Variants in CDH23 observed in about 807,000 individuals in gnomAD.
The protein encoded by CDH23 is cadherin-23.
In CDH23, 189 loss-of-function variants were observed where a neutral mutation model predicts 317.1. The ratio of observed to expected loss-of-function variants is 0.60; its 90% CI spans 0.53 to 0.67. CDH23 has a LOEUF of 0.67. Among genes scored for constraint, CDH23 ranks in the 30% least tolerant of loss-of-function variants. The probability of loss-of-function intolerance (pLI) is 0.00; values close to 1 mark genes in which losing one functional copy is unlikely to be tolerated. For synonymous variants in CDH23, 1,839 were observed against 1,876.8 expected, an observed-to-expected ratio of 0.98 and a Z score of 0.52; for missense variants, 4,401 against 4,592.4, an observed-to-expected ratio of 0.96 and a Z score of 1.20.
At chr10:71,609,167 G>A (rs1860707921) in intron 9 of CDH23, among the ~76,000 whole-genome samples, 1 of 151,960 alleles carries the variant, frequency 6.6e-6, no homozygotes, top group African/African-American at 2.4e-5. Context: ...CAGCCTGGAG[G>A]AAGAAAGAGG....
At chr10:71,672,281 C>T (rs866321578) in intron 14 of CDH23, among the ~76,000 whole-genome samples, 1 of 152,010 alleles carries the variant, frequency 6.6e-6, no homozygotes, top group South Asian at 2.1e-4. Context: ...CATTCAGGGC[C>T]GACAATGTGT....
At chr10:71,712,528 C>T in intron 27 of CDH23, 137 bp from the exon 28 acceptor site, 4 of 838,782 alleles carry the variant, frequency 4.8e-6, no homozygotes, top group Non-Finnish European at 7.5e-6. Context: ...AAAAGGAAGT[C>T]ACCCCTTGCA....
chr10:71,631,448 A>G (rs1862011109), intron 11 of CDH23, among the ~76,000 whole-genome samples: 1 of 152,172 alleles, frequency 6.6e-6, no homozygotes, highest in Non-Finnish European at 1.5e-5. Flanking sequence ...CAGGAGGAAG[A>G]TTGAGGCGAA....
chr10:71,708,911 C>G (rs563074718), intron 26 of CDH23, among the ~76,000 whole-genome samples, 187 bp from the exon 27 acceptor site: 45 of 152,362 alleles, frequency 3.0e-4, no homozygotes, highest in African/African-American at 1.0e-3. Flanking sequence ...TTCCAGGCAT[C>G]TGGCACCCCC....
chr10:71,707,363 G>A lies in CDH23; in HGVS notation c.3106+314G>A, dbSNP rs1317562034. On this transcript the variant is annotated intron_variant, in intron 26 of 69. Coordinates refer to ENST00000224721, the MANE Select transcript of CDH23 (RefSeq NM_022124.6). ...CATGATTCCTAGGGAGGAGCCCTGA[G>A]CCCCACTCCCCGCCCCAAGTCTGGG... The A allele has an allele frequency of 2.9e-6, 4 of 1,381,118 alleles. No homozygotes were observed. The African/African-American group carries it at 4.4e-5, about 15-fold the overall frequency. The allele number at this position is 1,381,118 out of a possible 1,614,324, so 85.6% of individuals were successfully genotyped here. A position where few individuals can be genotyped will look rare whatever the true frequency, so the allele number is the denominator to read the frequency against.
chr10:71,515,394 T>TCTCTCTCTCTCTCACA (rs1491490493), intron 6 of CDH23, among the ~76,000 whole-genome samples: 33 of 26,694 alleles, frequency 1.2e-3, no homozygotes, highest in African/African-American at 2.6e-3. Context: ...TCTCTCTCTC[T>TCTCTCTCTCTCTCACA]CACACACACA....
At chr10:71,496,335 ATTT>A (rs59975648) in intron 3 of CDH23, among the ~76,000 whole-genome samples, 14,610 of 149,086 alleles carry the variant, frequency 0.098, 811 homozygotes, top group East Asian at 0.14. Flanking sequence ...AAAGCAAAAC[ATTT>A]TTTTTTTTTT....
At chr10:71,499,868 C>G (rs556372257) in intron 3 of CDH23, among the ~76,000 whole-genome samples, 1 of 150,670 alleles carries the variant, frequency 6.6e-6, no homozygotes, top group African/African-American at 2.4e-5. Flanking sequence ...TAAACAAAAA[C>G]TAGCCAGGTG....
At chr10:71,537,798 A>G (rs924235832) in intron 6 of CDH23, among the ~76,000 whole-genome samples, 4 of 152,218 alleles carry the variant, frequency 2.6e-5, no homozygotes, top group African/African-American at 9.7e-5. Context: ...TGAGTCAAAC[A>G]TCACTTCGTT....
chr10:71,479,106 A>T (rs1377376071), intron 3 of CDH23, among the ~76,000 whole-genome samples: 1 of 152,202 alleles, frequency 6.6e-6, no homozygotes, highest in African/African-American at 2.4e-5. Context: ...TGTCCCCATT[A>T]TGTAAGATGA....
At chr10:71,774,476 A>G (rs1427082700) in intron 38 of CDH23, among the ~76,000 whole-genome samples, 1 of 152,168 alleles carries the variant, frequency 6.6e-6, no homozygotes, top group Non-Finnish European at 1.5e-5. Context: ...TACCACCTCC[A>G]GCCTGAGATA....
At chr10:71,533,551 A>ACG (rs1200981120) in intron 6 of CDH23, among the ~76,000 whole-genome samples, 1 of 151,176 alleles carries the variant, frequency 6.6e-6, no homozygotes, top group Non-Finnish European at 1.5e-5. Flanking sequence ...ACACACACAC[A>ACG]CACACACACA....
intron 28 of CDH23, among the ~76,000 whole-genome samples, chr10:71,721,226 A>T (rs1429773308): frequency 6.6e-6 from 1 of 152,164 alleles, no homozygotes; most frequent in East Asian, 1.9e-4. Flanking sequence ...AGATCTGGAC[A>T]ATTGAAGCAC....
Position 71,805,818 on chromosome 10 carries a change from C to T in CDH23, c.7885C>T (p.Arg2629Cys), listed in dbSNP as rs1482866693. 6.2e-7 allele frequency: 1 copy of T among 1,612,978 alleles called. No individual in the cohort carries two copies. Among genetic ancestry groups the T allele is most frequent in the Non-Finnish European group, 8.5e-7 (1 of 1,179,490 alleles). The change falls in exon 56 of 70, where the codon CGC (arginine) becomes TGC (cysteine). Residue 2629 changes from arginine to cysteine, a missense_variant. By Grantham distance (180) the Arg-to-Cys change is radical. Coordinates refer to ENST00000224721, the MANE Select transcript of CDH23 (RefSeq NM_022124.6). ...ILHIREEIPLRSNVYEVYATD... is the reference protein window; with the variant it reads ...ILHIREEIPLCSNVYEVYATD... ...ATGCTCCCCACAGGAGATCCCGCTG[C>T]GCTCCAACGTGTACGAGGTCTACGC...
intron 14 of CDH23, among the ~76,000 whole-genome samples, chr10:71,662,841 G>A (rs1309861386): frequency 6.6e-6 from 1 of 152,168 alleles, no homozygotes; most frequent in Non-Finnish European, 1.5e-5. Flanking sequence ...GTATTCTCCT[G>A]CAGCTCTGGA....
Position 71,793,540 on chromosome 10 carries a change from C to G in CDH23, c.6612C>G (p.Asn2204Lys), listed in dbSNP as rs1564796876. Residue 2204 changes from asparagine to lysine, a missense_variant, in exon 48 of 70, where the codon AAC becomes AAG. Asn to Lys is a moderately conservative substitution (Grantham distance 94). Around this residue, in one of 3 missense-constraint regions of CDH23, gnomAD observed 3,068 missense variants for 3,203.3 expected, o/e 0.96. Transcript: ENST00000224721. ...TCACGGCCATTGACCACGACCTCAACCCAAAGCTAGAGTACCACATTGTCG... is the reference window on the plus strand; with the variant it reads ...TCACGGCCATTGACCACGACCTCAAGCCAAAGCTAGAGTACCACATTGTCG... ...ANITAIDHDLNPKLEYHIVGI... is the reference protein window; with the variant it reads ...ANITAIDHDLKPKLEYHIVGI... 6.2e-7 allele frequency: 1 copy of G among 1,613,776 alleles called. No individual in the cohort carries two copies. Among genetic ancestry groups the G allele is most frequent in the East Asian group, 2.2e-5 (1 of 44,886 alleles).
intron 38 of CDH23, chr10:71,742,143 T>C (rs1839754296): frequency 1.7e-6 from 1 of 574,956 alleles, no homozygotes; most frequent in Non-Finnish European, 3.1e-6. Flanking sequence ...CCCGAGTCTA[T>C]AGCTACTCAG....
intron 3 of CDH23, among the ~76,000 whole-genome samples, chr10:71,447,844 T>C (rs564519807): frequency 6.6e-6 from 1 of 152,294 alleles, no homozygotes; most frequent in South Asian, 2.1e-4. Context: ...TGGGTGGAAT[T>C]CACCTGTGAC....
chr10:71,447,805 G>T (rs1251028584), intron 3 of CDH23, among the ~76,000 whole-genome samples: 1 of 152,142 alleles, frequency 6.6e-6, no homozygotes, highest in South Asian at 2.1e-4. Context: ...ATTTGTGGAC[G>T]ACTGGACTTG....
Sources: gnomAD v4.1 joint callset for allele counts (sites outside exome capture counted in the v4.1 genomes callset) on GRCh38, gnomAD v4.1.1 for gene constraint, gnomAD v4.1.1 regional missense constraint, MANE v1.5 for transcripts, NCBI Gene and HGNC (gene_info 2026-07-23, HGNC 2026-07-21) for gene names.